CHODL: variants seen among roughly 807,000 people sequenced by gnomAD.
CHODL encodes chondrolectin.
Under a neutral mutation model 34.5 loss-of-function variants are expected in CHODL, and 29 were observed. That is an observed-to-expected ratio of 0.84 (90% CI 0.63 to 1.15). The LOEUF (loss-of-function observed/expected upper bound fraction) is 1.15, where lower values mean the gene tolerates loss of function less well. CHODL is among the 50% of genes most tolerant of loss of function. The probability of loss-of-function intolerance (pLI) is 0.00; values close to 1 mark genes in which losing one functional copy is unlikely to be tolerated. For synonymous variants in CHODL, 125 were observed against 116.1 expected, an observed-to-expected ratio of 1.08 and a Z score of -0.49; for missense variants, 332 against 332.5, an observed-to-expected ratio of 1.00 and a Z score of 0.01.
At chr21:18,210,879 C>T (rs1337929877) in intron 2 of CHODL, among the ~76,000 whole-genome samples, 1 of 152,156 alleles carries the variant, frequency 6.6e-6, no homozygotes, top group African/African-American at 2.4e-5. Flanking sequence ...TGTTCCATCA[C>T]ATTCAGAATA....
chr21:18,004,490 G>A (rs1600882966), intron 1 of CHODL, among the ~76,000 whole-genome samples: 2 of 152,312 alleles, frequency 1.3e-5, no homozygotes, highest in African/African-American at 4.8e-5. Flanking sequence ...TGACATACCT[G>A]AAATACGTAC....
chr21:18,005,777 A>T (rs978236763), intron 1 of CHODL, among the ~76,000 whole-genome samples: 1 of 152,180 alleles, frequency 6.6e-6, no homozygotes, highest in Non-Finnish European at 1.5e-5. Context: ...TAGCTCCCGA[A>T]CAATGAGCAC....
At chr21:18,140,272 C>T (rs966815156) in intron 2 of CHODL, among the ~76,000 whole-genome samples, 4 of 152,098 alleles carry the variant, frequency 2.6e-5, no homozygotes, top group Admixed American at 6.5e-5. Context: ...AGCTTTCTTA[C>T]AAAATGGGAG....
chr21:17,982,661 A>T (rs2146377208), intron 1 of CHODL, among the ~76,000 whole-genome samples: 1 of 151,258 alleles, frequency 6.6e-6, no homozygotes, highest in Non-Finnish European at 1.5e-5. Context: ...ATTTACAGAT[A>T]AAGCATGCAC....
chr21:18,015,978 G>A (rs1412897334), intron 1 of CHODL, among the ~76,000 whole-genome samples: 2 of 152,230 alleles, frequency 1.3e-5, no homozygotes, highest in African/African-American at 4.8e-5. Context: ...TATTTAAAAG[G>A]GAAGCAGAGC....
Position 18,004,332 on chromosome 21 carries a change from G to T in CHODL, c.-144-23540G>T, listed in dbSNP as rs542618754. On this transcript the variant is annotated intron_variant, in intron 1 of 6. Transcript: ENST00000400127. ...AAAGAAGGTTTTAGCCTCTATAAGTGGTGTCAAAGGTCTAAATCAATATGT... is the reference window on the plus strand; with the variant it reads ...AAAGAAGGTTTTAGCCTCTATAAGTTGTGTCAAAGGTCTAAATCAATATGT... 1.4e-4 allele frequency among the ~76,000 whole-genome samples: 21 copies of T among 152,242 alleles called. 1 individual carries two copies. The highest frequency in any genetic ancestry group is 8.5e-4 in the Admixed American group (13 of 15,290).
chr21:17,937,070 A>G (rs1473180746), intron 1 of CHODL, among the ~76,000 whole-genome samples: 1 of 138,458 alleles, frequency 7.2e-6, no homozygotes, highest in Non-Finnish European at 1.5e-5. Context: ...TGACAGGGTG[A>G]GACTCCATCT....
intron 2 of CHODL, among the ~76,000 whole-genome samples, chr21:18,188,094 T>C (rs2073464710): frequency 6.6e-6 from 1 of 151,768 alleles, no homozygotes; most frequent in Admixed American, 6.6e-5. Context: ...TTAGCAGCCT[T>C]TATTAAAATT....
intron 2 of CHODL, among the ~76,000 whole-genome samples, chr21:18,236,860 C>A (rs555213859): frequency 4.8e-4 from 73 of 152,044 alleles, no homozygotes; most frequent in Middle Eastern, 3.4e-3. Flanking sequence ...AATTTGTAGT[C>A]TTTTTAAAAA....
rs2074460670 is a variant in CHODL, at chr21:18,266,225, A to G, written c.*187A>G. ...TTTCATTTAAAGAATATGCTGTGCT[A>G]ATAATGGAGTGAGACATGCTTATTT... is the stretch of plus-strand genomic sequence containing the variant. On this transcript the variant is annotated 3_prime_UTR_variant, in exon 6 of 6. Transcript: ENST00000299295. 6 of 1,510,742 alleles carry G rather than the reference A, an allele frequency of 4.0e-6. No homozygotes were observed. Among genetic ancestry groups the G allele is most frequent in the Non-Finnish European group, 5.3e-6 (6 of 1,128,818 alleles). 93.6% of individuals were successfully genotyped at this position (1,510,742 alleles called of 1,614,324 possible).
chr21:18,195,637 T>G (rs1282745545), intron 2 of CHODL, among the ~76,000 whole-genome samples: 3 of 152,174 alleles, frequency 2.0e-5, no homozygotes, highest in African/African-American at 7.2e-5. Context: ...TGACAGAATT[T>G]CTGTATTATA....
intron 1 of CHODL, among the ~76,000 whole-genome samples, chr21:17,938,494 A>T (rs796605766): frequency 0.55 from 2,362 of 4,284 alleles, 710 homozygotes; most frequent in African/African-American, 0.61. Context: ...TTTTTTTTTT[A>T]AGGAAAGGGA....
At chr21:17,999,828 C>T (rs1404248878) in intron 1 of CHODL, among the ~76,000 whole-genome samples, 6 of 152,194 alleles carry the variant, frequency 3.9e-5, no homozygotes, top group Non-Finnish European at 8.8e-5. Flanking sequence ...TTCCTTCAGC[C>T]AGAAAATCTC....
intron 1 of CHODL, among the ~76,000 whole-genome samples, chr21:18,009,247 T>C (rs1315155888): frequency 1.3e-5 from 2 of 152,228 alleles, no homozygotes; most frequent in Non-Finnish European, 2.9e-5. Flanking sequence ...GCTAAAAATG[T>C]AGAAGTTGTA....
In CHODL at chr21:18,266,385, A is replaced by G; in HGVS notation, c.*347A>G. On this transcript the variant is annotated 3_prime_UTR_variant, in exon 6 of 6. Coordinates refer to ENST00000299295, the MANE Select transcript of CHODL (RefSeq NM_024944.3). ...TTTCTTTCACCTTTCATAAGTTGTT[A>G]TCTAGTCAATGTAATGTATATTGTA... 2 of 466,346 alleles carry G rather than the reference A, an allele frequency of 4.3e-6. No homozygotes were observed. Among genetic ancestry groups the G allele is most frequent in the Admixed American group, 7.4e-5 (2 of 27,010 alleles). The allele number at this position is 466,346 out of a possible 1,614,324, so 28.9% of individuals were successfully genotyped here. A position where few individuals can be genotyped will look rare whatever the true frequency, so the allele number is the denominator to read the frequency against.
chr21:18,107,961 G>T (rs1421890210), intron 2 of CHODL, among the ~76,000 whole-genome samples: 1 of 152,132 alleles, frequency 6.6e-6, no homozygotes, highest in Non-Finnish European at 1.5e-5. Context: ...ATAATTACAG[G>T]TTATGTTCGT....
At position 18,132,701 on chromosome 21, in the gene CHODL, G is replaced by T. The variant is rs191348852; in HGVS notation, c.-45+104730G>T. On this transcript the variant is annotated intron_variant, in intron 2 of 6. Transcript: ENST00000400127. ...TTGAATTCCATATCCAACTGTATTT[G>T]CGTTCTTATCTATTCAGATCTTTGT... 4.4e-4 allele frequency among the ~76,000 whole-genome samples: 67 copies of T among 152,168 alleles called. 1 individual carries two copies. The East Asian group carries it at 0.011, about 26-fold the overall frequency.
At chr21:18,219,690 A>AT (rs2073864310) in intron 2 of CHODL, among the ~76,000 whole-genome samples, 1 of 151,510 alleles carries the variant, frequency 6.6e-6, no homozygotes, top group Non-Finnish European at 1.5e-5. Flanking sequence ...GATATCCAGC[A>AT]TTTTTTATAT....
At chr21:18,085,868 G>C (rs2064999783) in intron 2 of CHODL, among the ~76,000 whole-genome samples, 1 of 152,024 alleles carries the variant, frequency 6.6e-6, no homozygotes. Context: ...CTGGGGATTG[G>C]TGGGCCTTCT....
Sources: allele counts gnomAD v4.1 joint callset (sites outside exome capture counted in the v4.1 genomes callset), GRCh38; gene constraint gnomAD v4.1.1; transcripts MANE v1.5; gene names NCBI Gene and HGNC (gene_info 2026-07-23, HGNC 2026-07-21).